GPM6B: variants seen among roughly 807,000 people sequenced by gnomAD.
The protein encoded by GPM6B is glycoprotein M6B.
Under a neutral mutation model 27.2 loss-of-function variants are expected in GPM6B, and 4 were observed. That is an observed-to-expected ratio of 0.15 (90% CI 0.07 to 0.34). The LOEUF (loss-of-function observed/expected upper bound fraction) is 0.34. Ranked by LOEUF, GPM6B falls within the 10% of genes least tolerant of loss-of-function variation. The pLI is 1.00. For synonymous variants in GPM6B, 124 were observed against 103.1 expected, an observed-to-expected ratio of 1.20 and a Z score of -1.23; for missense variants, 183 against 261.9, an observed-to-expected ratio of 0.70 and a Z score of 2.08.
chrX:13,809,754 T>C lies in GPM6B; in HGVS notation c.62-1985A>G, dbSNP rs775739265. Among the ~76,000 whole-genome samples, 19 of 110,686 alleles carry C rather than the reference T, an allele frequency of 1.7e-4. No individual in the cohort carries two copies. In the South Asian group the frequency reaches 7.3e-3, roughly 42 times the overall value. On this transcript the variant is annotated intron_variant, in intron 1 of 7. Transcript: ENST00000316715. The stretch of plus-strand genomic sequence containing the variant: ...GAGTTTGATACCAGCCTGGCCAACA[T>C]GGTGAAACCCTGTCTCTACTAAAAA...
intron 1 of GPM6B, among the ~76,000 whole-genome samples, chrX:13,909,998 A>C (rs2050364421): frequency 9.0e-6 from 1 of 111,726 alleles, no homozygotes; most frequent in African/African-American, 3.3e-5. Context: ...CCTAACAGCT[A>C]GTCTCCCCTT....
At chrX:13,936,671 C>T (rs781133613) in intron 1 of GPM6B, among the ~76,000 whole-genome samples, 1 of 112,295 alleles carries the variant, frequency 8.9e-6, no homozygotes, top group African/African-American at 3.2e-5. Flanking sequence ...ACTGCCAGAA[C>T]CAGTGAAGTA....
At chrX:13,851,983 G>A (rs1181155729) in intron 1 of GPM6B, among the ~76,000 whole-genome samples, 1 of 109,097 alleles carries the variant, frequency 9.2e-6, no homozygotes, top group Non-Finnish European at 1.9e-5. Context: ...ACTACCATTG[G>A]CCTTACCTAC....
chrX:13,886,738 A>AAAAAAAAAAAAAAC (rs2050140283), intron 1 of GPM6B, among the ~76,000 whole-genome samples: 1 of 104,134 alleles, frequency 9.6e-6, no homozygotes, highest in African/African-American at 3.6e-5. Flanking sequence ...AAAAAAAAAA[A>AAAAAAAAAAAAAAC]AAAATCTAGA....
chrX:13,810,585 G>A (rs1044122109), intron 1 of GPM6B, among the ~76,000 whole-genome samples: 3 of 110,591 alleles, frequency 2.7e-5, no homozygotes, highest in Non-Finnish European at 5.7e-5. Flanking sequence ...TCCATGCTCT[G>A]TGCTCATCTC....
At chrX:13,796,067 C>T (rs367733070) in intron 2 of GPM6B, among the ~76,000 whole-genome samples, 1 of 111,787 alleles carries the variant, frequency 8.9e-6, no homozygotes, top group African/African-American at 3.2e-5. Context: ...GCTGGCATTA[C>T]AGGCACGCAC....
chrX:13,900,748 G>A (rs1025792778), intron 1 of GPM6B, among the ~76,000 whole-genome samples: 7 of 111,851 alleles, frequency 6.3e-5, no homozygotes, highest in Admixed American at 9.5e-5. Flanking sequence ...TAAAAAAAGC[G>A]GGATCTATTT....
intron 1 of GPM6B, among the ~76,000 whole-genome samples, chrX:13,861,005 T>TACACAC (rs55808485): frequency 4.7e-4 from 37 of 79,389 alleles, no homozygotes; most frequent in African/African-American, 2.1e-3. Flanking sequence ...TGAATGTGCA[T>TACACAC]ACACACACAC....
At chrX:13,864,228 A>C (rs1357409008) in intron 1 of GPM6B, among the ~76,000 whole-genome samples, 1 of 113,081 alleles carries the variant, frequency 8.8e-6, no homozygotes, top group Non-Finnish European at 1.9e-5. Context: ...AAGGACATGC[A>C]GAATAATGTA....
intron 1 of GPM6B, among the ~76,000 whole-genome samples, chrX:13,890,097 G>T (rs1000336530): frequency 9.0e-6 from 1 of 111,389 alleles, no homozygotes; most frequent in Admixed American, 9.6e-5. Flanking sequence ...TCTATGTCAC[G>T]GGATGAGATA....
intron 1 of GPM6B, among the ~76,000 whole-genome samples, chrX:13,876,133 G>T (rs1282451543): frequency 8.9e-6 from 1 of 112,171 alleles, no homozygotes; most frequent in East Asian, 2.8e-4. Flanking sequence ...AGAACCAATG[G>T]TAATTTCAAT....
chrX:13,920,266 C>CAAAA (rs144988935), intron 1 of GPM6B, among the ~76,000 whole-genome samples: 16 of 21,849 alleles, frequency 7.3e-4, no homozygotes, highest in Admixed American at 1.4e-3. Flanking sequence ...GACTCTGTCT[C>CAAAA]AAAAAAAAAA....
chrX:13,915,939 A>C (rs781005581), intron 1 of GPM6B, among the ~76,000 whole-genome samples: 9 of 111,846 alleles, frequency 8.0e-5, no homozygotes, highest in Non-Finnish European at 1.3e-4. Context: ...CCCAAATTCA[A>C]AACTCTCTCA....
intron 5 of GPM6B, among the ~76,000 whole-genome samples, chrX:13,779,609 C>T (rs1423370702): frequency 1.8e-5 from 2 of 111,350 alleles, no homozygotes; most frequent in African/African-American, 3.3e-5. Flanking sequence ...GAAAATATAA[C>T]GAAATTTTGA....
chrX:13,775,855 T>G (rs1332815717), intron 7 of GPM6B, among the ~76,000 whole-genome samples: 1 of 112,278 alleles, frequency 8.9e-6, no homozygotes, highest in Non-Finnish European at 1.9e-5. Context: ...AATGTATGTA[T>G]ATGTGCATAT....
intron 7 of GPM6B, 35 bp downstream of exon 7, chrX:13,776,203 G>C (rs188067599): frequency 9.0e-7 from 1 of 1,114,773 alleles, no homozygotes. Context: ...GGAGGGAGGA[G>C]GCTAGACTAG....
chrX:13,936,278 C>T (rs66819623), intron 1 of GPM6B, among the ~76,000 whole-genome samples: 44,045 of 111,016 alleles, frequency 0.4, 6,542 homozygotes, highest in Middle Eastern at 0.44. Flanking sequence ...AGTGAAATTA[C>T]ACATATCACC....
intron 1 of GPM6B, among the ~76,000 whole-genome samples, chrX:13,879,010 C>T (rs1360634484): frequency 4.5e-5 from 5 of 112,030 alleles, no homozygotes; most frequent in South Asian, 3.7e-4. Flanking sequence ...GTGAGACCTG[C>T]GTCAGACTTC....
At chrX:13,874,876 T>C (rs974222905) in intron 1 of GPM6B, among the ~76,000 whole-genome samples, 2 of 111,339 alleles carry the variant, frequency 1.8e-5, no homozygotes, top group Non-Finnish European at 3.8e-5. Flanking sequence ...CTCAAGAAGG[T>C]TGCATTAATG....
Sources: gnomAD v4.1 joint callset for allele counts (sites outside exome capture counted in the v4.1 genomes callset) on GRCh38, gnomAD v4.1.1 for gene constraint, MANE v1.5 for transcripts, NCBI Gene and HGNC (gene_info 2026-07-23, HGNC 2026-07-21) for gene names.